Variants in IGF2R observed in about 807,000 individuals in gnomAD.
IGF2R encodes the protein cation-independent mannose-6-phosphate receptor.
A neutral mutation model predicts 270.6 loss-of-function variants in IGF2R; 91 were observed. The observed-to-expected ratio is 0.34, with a 90% confidence interval of 0.28 to 0.40. The LOEUF (loss-of-function observed/expected upper bound fraction) is 0.40, where lower values mean the gene tolerates loss of function less well. Ranked by LOEUF, IGF2R falls within the 10% of genes least tolerant of loss-of-function variation. IGF2R has a pLI of 1.00. For missense variants in IGF2R, 2,805 were observed against 3,188.3 expected (o/e 0.88, Z 2.90); for synonymous variants, 1,316 against 1,258.9 (o/e 1.05, Z -0.96).
chr6:160,031,746 A>T (rs1312018414), intron 7 of IGF2R, among the ~76,000 whole-genome samples: 1 of 152,118 alleles, frequency 6.6e-6, no homozygotes, highest in Non-Finnish European at 1.5e-5. Flanking sequence ...TAAACCTGGC[A>T]CCTAGTGCCT....
chr6:159,980,210 A>AGAAGGAAAGAAGGAAAGAAGGAAAGAAG (rs1554234618), intron 1 of IGF2R, among the ~76,000 whole-genome samples: 1 of 95,066 alleles, frequency 1.1e-5, no homozygotes, highest in African/African-American at 4.5e-5. Flanking sequence ...AAAGAAAGAA[A>AGAAGGAAAGAAGGAAAGAAGGAAAGAAG]GAAAGAAAGA....
intron 2 of IGF2R, 114 bp from the exon 3 acceptor site, chr6:160,008,896 A>G (rs1364560664): frequency 2.8e-6 from 3 of 1,082,404 alleles, no homozygotes; most frequent in Middle Eastern, 2.2e-4. Context: ...AGTTTTATAA[A>G]TTTATAAGCT....
Position 160,064,807 on chromosome 6 carries a change from G to A in IGF2R, c.4021G>A (p.Val1341Ile), listed in dbSNP as rs571049189. 791 of 1,608,832 alleles carry A rather than the reference G, an allele frequency of 4.9e-4. 6 individuals carry two copies. The South Asian group carries it at 8.3e-3, about 17-fold the overall frequency. Reference sequence around the variant, plus strand: ...ATGTGCCTCTTAACTTTTTTAGCCAGTATTTCTAAAGGAGACTTCAGATTG... The same window carrying A: ...ATGTGCCTCTTAACTTTTTTAGCCAATATTTCTAAAGGAGACTTCAGATTG... ...FYCDRGTQRP[V>I]FLKETSDCSY... is the part of the protein sequence containing the mutation. The change falls in exon 29 of 48, where the codon GTA becomes ATA. Residue 1341 changes from valine (V) to isoleucine (I), a missense_variant. By Grantham distance (29) the Val-to-Ile change is conservative. Around this residue, in one of 2 missense-constraint regions of IGF2R, gnomAD observed 1,851 missense variants for 2,207.2 expected, o/e 0.84. Coordinates refer to ENST00000356956, the MANE Select transcript of IGF2R (RefSeq NM_000876.4).
At chr6:160,002,482 T>C (rs1784146018) in intron 2 of IGF2R, among the ~76,000 whole-genome samples, 1 of 152,206 alleles carries the variant, frequency 6.6e-6, no homozygotes, top group African/African-American at 2.4e-5. Context: ...TCGTCCTTAT[T>C]GTCTTCATGT....
chr6:160,061,696 A>G (rs1156470045), intron 24 of IGF2R, 50 bp downstream of exon 24: 2 of 1,613,362 alleles, frequency 1.2e-6, no homozygotes, highest in African/African-American at 1.3e-5. Flanking sequence ...TTATTAGAGC[A>G]TTTGACTCAA....
At chr6:160,092,332 G>A (rs1161215898) in intron 44 of IGF2R, among the ~76,000 whole-genome samples, 2 of 152,256 alleles carry the variant, frequency 1.3e-5, no homozygotes, top group African/African-American at 4.8e-5. Flanking sequence ...CTGCTGGTGT[G>A]TCTGCAGGAG....
At chr6:160,037,054 A>T (rs1777843578) in intron 10 of IGF2R, among the ~76,000 whole-genome samples, 1 of 152,238 alleles carries the variant, frequency 6.6e-6, no homozygotes, top group African/African-American at 2.4e-5. Context: ...ATGTTTTGCC[A>T]GATTTTTCAT....
At chr6:160,017,961 C>T (rs1777344388) in intron 4 of IGF2R, among the ~76,000 whole-genome samples, 2 of 152,002 alleles carry the variant, frequency 1.3e-5, no homozygotes, top group Admixed American at 1.3e-4. Context: ...CACAAAGCAA[C>T]TAGGAAACAG....
rs74449112 is a variant in IGF2R, at chr6:160,089,029, C to T, written c.6321-78C>T. On this transcript the variant is annotated intron_variant, in intron 42 of 47. Transcript: ENST00000356956. Reference sequence around the variant, plus strand: ...AGCCAGTGAGCTGCTTCAAGGGCTCCGCAGTGTTCATTGTTTTGCAGTCTT... The same window carrying T: ...AGCCAGTGAGCTGCTTCAAGGGCTCTGCAGTGTTCATTGTTTTGCAGTCTT... 1.2e-3 allele frequency: 1,839 copies of T among 1,471,892 alleles called. 15 individuals are homozygous for T. The African/African-American group carries it at 0.016, about 13-fold the overall frequency. 91.2% of individuals were successfully genotyped at this position (1,471,892 alleles called of 1,614,324 possible).
chr6:160,021,103 GA>G (rs1015915832), intron 4 of IGF2R, among the ~76,000 whole-genome samples: 4 of 151,992 alleles, frequency 2.6e-5, no homozygotes, highest in African/African-American at 9.7e-5. Flanking sequence ...AACTCAACAA[GA>G]AAAACCACAA....
chr6:159,977,831 T>C (rs928200420), intron 1 of IGF2R, among the ~76,000 whole-genome samples: 22 of 151,106 alleles, frequency 1.5e-4, no homozygotes, highest in Admixed American at 4.0e-4. Context: ...CGTGGGATGC[T>C]AACCGTGTTG....
Position 160,068,246 on chromosome 6 carries a change from C to T in IGF2R, c.4116-3C>T. The T allele has an allele frequency of 6.2e-7, 1 of 1,614,090 alleles. No individual in the cohort carries two copies. Among genetic ancestry groups the T allele is most frequent in the Non-Finnish European group, 8.5e-7 (1 of 1,179,922 alleles). On this transcript the variant is annotated splice_polypyrimidine_tract_variant and splice_region_variant and intron_variant, in intron 29 of 47. Coordinates refer to ENST00000356956, the MANE Select transcript of IGF2R (RefSeq NM_000876.4). ...AACTAACTGCGGGTTTTCTTCTTTT[C>T]AGAGATGGGGCTGGCAACTCCTTCG...
chr6:160,077,427 A>G (rs1185888118), intron 36 of IGF2R, among the ~76,000 whole-genome samples: 2 of 152,188 alleles, frequency 1.3e-5, no homozygotes, highest in Admixed American at 6.5e-5. Context: ...ACCACCAGCT[A>G]AAGAGTGTGG....
intron 1 of IGF2R, among the ~76,000 whole-genome samples, chr6:159,978,538 T>TC (rs1389546979): frequency 6.6e-6 from 1 of 152,074 alleles, no homozygotes; most frequent in African/African-American, 2.4e-5. Flanking sequence ...CTTAGGCCTC[T>TC]CCAGGCCTCC....
Position 159,986,380 on chromosome 6 carries a change from C to T in IGF2R, c.150-4804C>T, listed in dbSNP as rs193152974. ...CCGAGTAGTTGGGACTATAAGCGTG[C>T]GCGACCATGCCTGGCTAATTTTTGT... On this transcript the variant is annotated intron_variant, in intron 1 of 47. Transcript: ENST00000356956. 2.0e-5 allele frequency among the ~76,000 whole-genome samples: 3 copies of T among 150,378 alleles called. No homozygotes were observed. The East Asian group carries it at 5.8e-4, about 29-fold the overall frequency.
chr6:160,090,124 A>G lies in IGF2R; in HGVS notation c.6655+21A>G, dbSNP rs779030572. On this transcript the variant is annotated intron_variant, in intron 44 of 47. Coordinates refer to ENST00000356956, the MANE Select transcript of IGF2R (RefSeq NM_000876.4). ...TCAAGGTAATCCGTGGCTTCCCACA[A>G]AGTTCCACATTTAACTTCCTCCAAG... 2.5e-5 allele frequency: 36 copies of G among 1,425,854 alleles called. No homozygotes were observed. The Middle Eastern group carries it at 5.6e-4, about 22-fold the overall frequency. The allele number at this position is 1,425,854 out of a possible 1,614,324, so 88.3% of individuals were successfully genotyped here. A position where few individuals can be genotyped will look rare whatever the true frequency, so the allele number is the denominator to read the frequency against.
chr6:160,099,336 G>GTTATA lies in IGF2R; in HGVS notation c.6842+2715_6842+2716insATTAT, dbSNP rs1779430911. Among the ~76,000 whole-genome samples the GTTATA allele has an allele frequency of 7.6e-5, 7 of 91,680 alleles. No individual in the cohort carries two copies. In the South Asian group the frequency reaches 2.0e-3, roughly 26 times the overall value. The allele number at this position is 91,680 out of a possible 152,430, so 60.1% of individuals were successfully genotyped here. ...ACCAGTTTTTTTTCCTCAGCTTTAT[G>GTTATA]TTATGTTATGTTATGTTATGTTATG... On this transcript the variant is annotated intron_variant, in intron 45 of 47. Transcript: ENST00000356956.
At chr6:159,987,670 A>G (rs1406431240) in intron 1 of IGF2R, among the ~76,000 whole-genome samples, 1 of 152,224 alleles carries the variant, frequency 6.6e-6, no homozygotes, top group Non-Finnish European at 1.5e-5. Context: ...GATTACAGGC[A>G]TGAGGCACCA....
intron 1 of IGF2R, among the ~76,000 whole-genome samples, chr6:159,975,700 A>ATATATATATATATG (rs1358359889): frequency 1.4e-5 from 2 of 147,128 alleles, no homozygotes; most frequent in African/African-American, 4.9e-5. Flanking sequence ...ATATATATAT[A>ATATATATATATATG]TAAAGTATAT....
Sources: allele counts gnomAD v4.1 joint callset (sites outside exome capture counted in the v4.1 genomes callset), GRCh38; gene constraint gnomAD v4.1.1; regional missense constraint gnomAD v4.1.1; transcripts MANE v1.5; gene names NCBI Gene and HGNC (gene_info 2026-07-23, HGNC 2026-07-21).